The following DNAH17 variants were observed in gnomAD, a reference collection of about 807,000 sequenced individuals.
The protein encoded by DNAH17 is axonemal beta dynein heavy chain 17.
In DNAH17, 376 loss-of-function variants were observed where a neutral mutation model predicts 485.6. The ratio of observed to expected loss-of-function variants is 0.77; its 90% CI spans 0.71 to 0.84. The LOEUF (loss-of-function observed/expected upper bound fraction) is 0.84. Among genes scored for constraint, DNAH17 ranks in the 40% least tolerant of loss-of-function variants. The pLI, the probability that DNAH17 is intolerant of heterozygous loss-of-function variation, is 0.00. For missense variants in DNAH17, 6,370 were observed against 5,839.3 expected (o/e 1.09, Z -2.96); for synonymous variants, 3,031 against 2,405.9 (o/e 1.26, Z -7.60).
At position 78,574,941 on chromosome 17, in the gene DNAH17, C is replaced by T. The variant is rs2092412848; in HGVS notation, c.117G>A (p.Leu39=). Residue 39 remains leucine, a synonymous_variant, in exon 2 of 81, where the codon CTG becomes CTA. Transcript: ENST00000389840. ...KLIGAEENVA[L]FTEFFEKPDV... ...CGGGCTTTTCAAAGAACTCTGTGAACAGGGCCACGTTCTCCTCGGCGCCTA... is the reference window on the plus strand; with the variant it reads ...CGGGCTTTTCAAAGAACTCTGTGAATAGGGCCACGTTCTCCTCGGCGCCTA... 1 of 1,614,030 alleles carries T rather than the reference C, an allele frequency of 6.2e-7. No individual in the cohort carries two copies. Among genetic ancestry groups the T allele is most frequent in the Non-Finnish European group, 8.5e-7 (1 of 1,179,892 alleles).
chr17:78,441,760 G>T (rs2087085595), intron 71 of DNAH17, among the ~76,000 whole-genome samples: 1 of 152,114 alleles, frequency 6.6e-6, no homozygotes, highest in Admixed American at 6.5e-5. Context: ...TGAGCTTACT[G>T]TAATGTATAA....
rs955043088 is a variant in DNAH17, at chr17:78,566,470, C to G, written c.1569+144G>C. On this transcript the variant is annotated intron_variant, in intron 11 of 80. Transcript: ENST00000389840. Reference sequence around the variant, plus strand: ...ACTGGGTGTTCACGGCTGACTGACTCTGAGGCACAGGAGACGGGCCCTCCC... The same window carrying G: ...ACTGGGTGTTCACGGCTGACTGACTGTGAGGCACAGGAGACGGGCCCTCCC... 4.7e-6 allele frequency: 3 copies of G among 635,768 alleles called. No homozygotes were observed. In the African/African-American group the frequency reaches 5.5e-5, roughly 12 times the overall value. The allele number at this position is 635,768 out of a possible 1,614,324, so 39.4% of individuals were successfully genotyped here.
At chr17:78,453,192 T>G in intron 65 of DNAH17, 151 bp downstream of exon 65, 2 of 988,404 alleles carry the variant, frequency 2.0e-6, no homozygotes, top group East Asian at 2.8e-5. Flanking sequence ...GAGCTGGGGG[T>G]TCCTTCCCAC....
chr17:78,491,181 A>G lies in DNAH17; in HGVS notation c.6669+262T>C, dbSNP rs1292785621. On this transcript the variant is annotated intron_variant, in intron 43 of 80. Coordinates refer to ENST00000389840, the MANE Select transcript of DNAH17 (RefSeq NM_173628.4). ...TAGAAAATGGCTTCTAGACAATTCT[A>G]CATAACCATTTCTGCTTCCCAGGCC... Among the ~76,000 whole-genome samples, 4 of 152,380 alleles carry G rather than the reference A, an allele frequency of 2.6e-5. No individual in the cohort carries two copies. The East Asian group carries it at 7.7e-4, about 29-fold the overall frequency.
chr17:78,572,423 G>A (rs956095928), intron 3 of DNAH17, among the ~76,000 whole-genome samples: 8 of 152,114 alleles, frequency 5.3e-5, no homozygotes, highest in Non-Finnish European at 1.2e-4. Flanking sequence ...GTGGTGACTG[G>A]ATCGGCACAC....
intron 69 of DNAH17, 151 bp downstream of exon 69, chr17:78,449,263 T>G: frequency 1.4e-6 from 1 of 731,822 alleles, no homozygotes. Context: ...ATCTCAGACT[T>G]TATAATCACC....
intron 14 of DNAH17, among the ~76,000 whole-genome samples, chr17:78,556,212 G>T (rs1183373576): frequency 6.6e-6 from 1 of 151,784 alleles, no homozygotes; most frequent in East Asian, 1.9e-4. Flanking sequence ...TCTAGCTACC[G>T]ATCTATCTAT....
intron 44 of DNAH17, among the ~76,000 whole-genome samples, chr17:78,490,462 C>A (rs117303503): frequency 1.3e-5 from 2 of 152,348 alleles, no homozygotes; most frequent in Non-Finnish European, 2.9e-5. Flanking sequence ...AGCCCTTGTT[C>A]CCTGGCACTT....
At chr17:78,549,244 G>T (rs896319902) in intron 16 of DNAH17, among the ~76,000 whole-genome samples, 1 of 152,116 alleles carries the variant, frequency 6.6e-6, no homozygotes, top group East Asian at 1.9e-4. Context: ...CCCTGATGAG[G>T]TTAGTGTCCT....
At chr17:78,450,964 G>A (rs2087523441) in intron 66 of DNAH17, 118 bp from the exon 67 acceptor site, 1 of 1,315,122 alleles carries the variant, frequency 7.6e-7, no homozygotes, top group Non-Finnish European at 1.1e-6. Context: ...GGAGGAACGA[G>A]CTCAGGTCCT....
intron 24 of DNAH17, among the ~76,000 whole-genome samples, chr17:78,526,404 C>T (rs1336411526): frequency 6.6e-6 from 1 of 152,152 alleles, no homozygotes; most frequent in Non-Finnish European, 1.5e-5. Flanking sequence ...GAGCCATGCT[C>T]TGAGCTGCGA....
intron 71 of DNAH17, among the ~76,000 whole-genome samples, chr17:78,442,046 G>C (rs868307118): frequency 1.5e-4 from 22 of 151,600 alleles, no homozygotes; most frequent in Non-Finnish European, 1.9e-4. Context: ...TGGCGCCATT[G>C]CACTCCAGCC....
intron 26 of DNAH17, among the ~76,000 whole-genome samples, chr17:78,512,265 C>A (rs1428172683): frequency 6.6e-6 from 1 of 152,224 alleles, no homozygotes; most frequent in Non-Finnish European, 1.5e-5. Context: ...TATGTTCTCA[C>A]CGTTGTTCTT....
At chr17:78,462,371 G>C (rs550807184) in intron 57 of DNAH17, among the ~76,000 whole-genome samples, 4 of 152,098 alleles carry the variant, frequency 2.6e-5, no homozygotes, top group Non-Finnish European at 4.4e-5. Flanking sequence ...CCCCTCACAG[G>C]GTGTCAATGG....
Position 78,480,799 on chromosome 17 carries a change from A to T in DNAH17, c.7650-13T>A, listed in dbSNP as rs374619062. 2 of 1,599,336 alleles carry T rather than the reference A, an allele frequency of 1.3e-6. No homozygotes were observed. The highest frequency in any genetic ancestry group is 1.3e-5 in the African/African-American group (1 of 74,652). On this transcript the variant is annotated splice_polypyrimidine_tract_variant and intron_variant, in intron 48 of 80. Transcript: ENST00000389840. Reference sequence around the variant, plus strand: ...ATGTCTGTCATACCTGAGGGGGGAAACCAGCATTCATGTTGTGCCCCTGGC... The same window carrying T: ...ATGTCTGTCATACCTGAGGGGGGAATCCAGCATTCATGTTGTGCCCCTGGC...
intron 18 of DNAH17, 48 bp downstream of exon 18, chr17:78,539,689 G>C: frequency 6.9e-7 from 1 of 1,440,620 alleles, no homozygotes; most frequent in Non-Finnish European, 9.3e-7. Context: ...GATTCTAACA[G>C]ATAAGAATAC....
chr17:78,545,065 C>T (rs1598695721), intron 16 of DNAH17, among the ~76,000 whole-genome samples: 1 of 141,960 alleles, frequency 7.0e-6, no homozygotes. Flanking sequence ...TCACTCTTAT[C>T]ATTTACGGAC....
At position 78,574,746 on chromosome 17, in the gene DNAH17, T is replaced by C. The variant is rs376781788; in HGVS notation, c.312A>G (p.Thr104=). The C allele has an allele frequency of 3.0e-4, 481 of 1,612,834 alleles. 3 individuals are homozygous for C. The African/African-American group carries it at 5.6e-3, about 19-fold the overall frequency. The change falls in exon 2 of 81, where the codon ACA becomes ACG. Residue 104 remains threonine, a synonymous_variant. Transcript: ENST00000389840. ...ARLLYGDISP[T]PVDQLIAVVE... ...CCACCGCGATCAGCTGGTCCACGGGTGTGGGGCTGATGTCGCCGTAAAGGA... is the reference window on the plus strand; with the variant it reads ...CCACCGCGATCAGCTGGTCCACGGGCGTGGGGCTGATGTCGCCGTAAAGGA...
intron 27 of DNAH17, among the ~76,000 whole-genome samples, chr17:78,508,818 A>G (rs1010735297): frequency 6.6e-6 from 1 of 151,628 alleles, no homozygotes; most frequent in African/African-American, 2.4e-5. Flanking sequence ...AAAAATTATA[A>G]TTTTTTTTAG....
Sources: allele counts gnomAD v4.1 joint callset (sites outside exome capture counted in the v4.1 genomes callset), GRCh38; gene constraint gnomAD v4.1.1; transcripts MANE v1.5; gene names NCBI Gene and HGNC (gene_info 2026-07-23, HGNC 2026-07-21).